Variants in PKIA observed in about 807,000 individuals in gnomAD.
PKIA encodes cAMP-dependent protein kinase inhibitor alpha.
PKIA carries 4 observed loss-of-function variants against 7.6 expected under a neutral mutation model. The ratio of observed to expected loss-of-function variants is 0.52; its 90% CI spans 0.26 to 1.20. The LOEUF is 1.20. Ranked by LOEUF, PKIA falls within the 50% of genes most tolerant of loss-of-function variation. PKIA has a pLI of 0.13. For synonymous variants in PKIA, 21 were observed against 30.7 expected (o/e 0.68, Z 1.04); for missense variants, 73 against 86.2 (o/e 0.85, Z 0.61).
At chr8:78,589,859 G>A (rs962510466) in intron 2 of PKIA, among the ~76,000 whole-genome samples, 1 of 152,172 alleles carries the variant, frequency 6.6e-6, no homozygotes, top group Non-Finnish European at 1.5e-5. Flanking sequence ...TATCAAACAT[G>A]TGGTTATCAC....
chr8:78,572,549 A>G (rs1041039041), intron 1 of PKIA, among the ~76,000 whole-genome samples: 29 of 151,506 alleles, frequency 1.9e-4, no homozygotes, highest in African/African-American at 6.5e-4. Flanking sequence ...ACGCACACAC[A>G]CACACACACA....
intron 2 of PKIA, among the ~76,000 whole-genome samples, chr8:78,582,544 T>C (rs577845623): frequency 4.1e-4 from 62 of 152,250 alleles, no homozygotes; most frequent in African/African-American, 1.4e-3. Flanking sequence ...CAATTCAAGA[T>C]GTGATTTGGG....
chr8:78,605,045 GA>G lies in PKIA; in HGVS notation c.*3227del, dbSNP rs1194522544. 1 of 151,962 alleles carries G rather than the reference GA, an allele frequency of 6.6e-6. No individual in the cohort carries two copies. Among genetic ancestry groups the G allele is most frequent in the African/African-American group, 2.4e-5 (1 of 41,404 alleles). The allele number at this position is 151,962 out of a possible 1,614,324, so 9.4% of individuals were successfully genotyped here. On this transcript the variant is annotated 3_prime_UTR_variant, in exon 4 of 4. Transcript: ENST00000396418. ...CTGCCGGGCAGCAAAGCTTCTAAGT[GA>G]AACCTGTAGTAGCAGTAGTAGTAGG...
intron 1 of PKIA, among the ~76,000 whole-genome samples, chr8:78,517,761 T>C (rs1216454508): frequency 6.6e-6 from 1 of 152,168 alleles, no homozygotes; most frequent in African/African-American, 2.4e-5. Context: ...ATTTGAATAA[T>C]ATGCTGTGAA....
chr8:78,584,162 AGTGT>A (rs150010304), intron 2 of PKIA, among the ~76,000 whole-genome samples: 7 of 150,954 alleles, frequency 4.6e-5, no homozygotes, highest in African/African-American at 1.2e-4. Flanking sequence ...AGTACTGGGA[AGTGT>A]GTGTGTGTGT....
intron 1 of PKIA, among the ~76,000 whole-genome samples, chr8:78,568,810 C>G (rs1807479044): frequency 6.6e-6 from 1 of 152,224 alleles, no homozygotes; most frequent in East Asian, 1.9e-4. Context: ...CCAGTAAAAC[C>G]CTAATGAAAC....
At chr8:78,544,269 C>G (rs1264522941) in intron 1 of PKIA, among the ~76,000 whole-genome samples, 5 of 152,160 alleles carry the variant, frequency 3.3e-5, no homozygotes, top group African/African-American at 1.2e-4. Flanking sequence ...TCTCACAGTA[C>G]TTGAAATTTC....
Position 78,604,233 on chromosome 8 carries a change from G to A in PKIA, c.*2412G>A, listed in dbSNP as rs1422853474. ...CAACTATTCTTACGCTAATGGCTTT[G>A]CAGCTCCTATTCTCCCATTTGATCC... On this transcript the variant is annotated 3_prime_UTR_variant, in exon 4 of 4. Transcript: ENST00000396418. 1 of 151,972 alleles carries A rather than the reference G, an allele frequency of 6.6e-6. No homozygotes were observed. Among genetic ancestry groups the A allele is most frequent in the Non-Finnish European group, 1.5e-5 (1 of 67,930 alleles). The allele number at this position is 151,972 out of a possible 1,614,324, so 9.4% of individuals were successfully genotyped here. A position where few individuals can be genotyped will look rare whatever the true frequency, so the allele number is the denominator to read the frequency against.
At chr8:78,543,384 T>C (rs571216154) in intron 1 of PKIA, among the ~76,000 whole-genome samples, 6 of 152,318 alleles carry the variant, frequency 3.9e-5, no homozygotes, top group South Asian at 2.1e-4. Flanking sequence ...ATGTCTTACA[T>C]ATTATTTCAC....
intron 1 of PKIA, among the ~76,000 whole-genome samples, chr8:78,536,848 G>C (rs1806535373): frequency 7.0e-6 from 1 of 143,076 alleles, no homozygotes; most frequent in South Asian, 2.2e-4. Flanking sequence ...TATCTGGGTA[G>C]CTAGAAAACA....
intron 1 of PKIA, among the ~76,000 whole-genome samples, chr8:78,529,399 T>C (rs1320179719): frequency 6.6e-6 from 1 of 152,102 alleles, no homozygotes; most frequent in African/African-American, 2.4e-5. Context: ...TCCTTTAAAC[T>C]GAAGTATGAT....
chr8:78,567,609 T>C (rs887429853), intron 1 of PKIA, among the ~76,000 whole-genome samples: 2 of 152,118 alleles, frequency 1.3e-5, no homozygotes, highest in Non-Finnish European at 2.9e-5. Context: ...CTTCACTCTT[T>C]CTTTCTCTTT....
rs200519145 is a variant in PKIA at position 78,553,089 on chromosome 8, G to GAAA, written c.-156-19708_-156-19706dup. ...TAACGTATCTAATTCCCATTTGCAG[G>GAAA]AAAAAAAAAAAAAAAAGCCTGAAAA... On this transcript the variant is annotated intron_variant, in intron 1 of 3. Transcript: ENST00000396418. Among the ~76,000 whole-genome samples, 41 of 121,680 alleles carry GAAA rather than the reference G, an allele frequency of 3.4e-4. 1 individual carries two copies. In the South Asian group the frequency reaches 7.0e-3, roughly 21 times the overall value. The allele number at this position is 121,680 out of a possible 152,430, so 79.8% of individuals were successfully genotyped here.
At position 78,517,804 on chromosome 8, in the gene PKIA, C is replaced by T. The variant is rs533882086; in HGVS notation, c.-157+1336C>T. Among the ~76,000 whole-genome samples, 5 of 152,246 alleles carry T rather than the reference C, an allele frequency of 3.3e-5. No individual in the cohort carries two copies. The South Asian group carries it at 6.2e-4, about 19-fold the overall frequency. On this transcript the variant is annotated intron_variant, in intron 1 of 3. Transcript: ENST00000396418. ...AGATGGCTGTTATGGGGATTGCAAA[C>T]GTGCCACTTCACCAACAGAGAACAG... is the stretch of plus-strand genomic sequence containing the variant.
chr8:78,528,141 C>A (rs888904456), intron 1 of PKIA, among the ~76,000 whole-genome samples: 2 of 151,962 alleles, frequency 1.3e-5, no homozygotes, highest in African/African-American at 4.8e-5. Context: ...TAAATAGCCC[C>A]AAGGTAGGAC....
chr8:78,534,358 C>T (rs1389497310), intron 1 of PKIA: 1 of 152,132 alleles, frequency 6.6e-6, no homozygotes, highest in African/African-American at 2.4e-5. Flanking sequence ...GAAATTCTTT[C>T]TTGGCGGATT....
chr8:78,530,899 T>G (rs906173127), intron 1 of PKIA, among the ~76,000 whole-genome samples: 1 of 152,080 alleles, frequency 6.6e-6, no homozygotes, highest in African/African-American at 2.4e-5. Flanking sequence ...AAGCTTCTCT[T>G]AAGGATAAAA....
intron 1 of PKIA, among the ~76,000 whole-genome samples, chr8:78,541,123 T>C (rs1056423162): frequency 3.9e-5 from 6 of 152,142 alleles, no homozygotes; most frequent in African/African-American, 1.4e-4. Flanking sequence ...TATGAATCCA[T>C]CTACTATCAT....
intron 1 of PKIA, chr8:78,558,408 G>A (rs1020695989): frequency 3.9e-5 from 6 of 154,028 alleles, no homozygotes; most frequent in Non-Finnish European, 8.6e-5. Context: ...AGAAAAAGAG[G>A]CTTAATTGGA....
Sources: allele counts gnomAD v4.1 joint callset (sites outside exome capture counted in the v4.1 genomes callset), GRCh38; gene constraint gnomAD v4.1.1; transcripts MANE v1.5; gene names NCBI Gene and HGNC (gene_info 2026-07-23, HGNC 2026-07-21).